DNM3: variants seen among roughly 807,000 people sequenced by gnomAD.
DNM3 encodes dynamin-3.
In DNM3, 47 loss-of-function variants were observed where a neutral mutation model predicts 101.6. The ratio of observed to expected loss-of-function variants is 0.46; its 90% CI spans 0.37 to 0.59. DNM3 has a LOEUF of 0.59. DNM3 is among the 20% of genes least tolerant of loss of function. The pLI, the probability that DNM3 is intolerant of heterozygous loss-of-function variation, is 0.00. For synonymous variants in DNM3, 385 were observed against 387.9 expected, an observed-to-expected ratio of 0.99 and a Z score of 0.09; for missense variants, 849 against 1,085.7, an observed-to-expected ratio of 0.78 and a Z score of 3.06.
chr1:172,344,897 CA>C (rs908360955), intron 17 of DNM3, among the ~76,000 whole-genome samples: 1 of 151,834 alleles, frequency 6.6e-6, no homozygotes, highest in Non-Finnish European at 1.5e-5. Flanking sequence ...CATGTGCTCA[CA>C]AAAAAAATCA....
intron 17 of DNM3, among the ~76,000 whole-genome samples, chr1:172,343,446 C>T (rs2066783315): frequency 6.6e-6 from 1 of 151,994 alleles, no homozygotes; most frequent in Non-Finnish European, 1.5e-5. Context: ...ACACCATATT[C>T]CAGTAAATTG....
intron 17 of DNM3, among the ~76,000 whole-genome samples, chr1:172,340,277 G>A (rs1478506945): frequency 6.6e-6 from 1 of 152,174 alleles, no homozygotes; most frequent in African/African-American, 2.4e-5. Flanking sequence ...TCAGATGTAG[G>A]TCAACATATT....
chr1:172,275,143 T>G (rs2063231482), intron 15 of DNM3, among the ~76,000 whole-genome samples: 1 of 152,068 alleles, frequency 6.6e-6, no homozygotes, highest in African/African-American at 2.4e-5. Flanking sequence ...GTTATGGTAG[T>G]GTGGGCTCAT....
rs1348259969 is a variant in DNM3 at position 172,039,216 on chromosome 1, T to A, written c.992+755T>A. Among the ~76,000 whole-genome samples the A allele has an allele frequency of 3.3e-5, 5 of 152,100 alleles. 1 individual carries two copies. The South Asian group carries it at 8.3e-4, about 25-fold the overall frequency. ...GTCAAGTCCCTCTCAACAGGAAGGC[T>A]CCCCTGCCCAGCACACACTGCAGGA... On this transcript the variant is annotated intron_variant, in intron 7 of 20. Coordinates refer to ENST00000627582, the MANE Select transcript of DNM3 (RefSeq NM_015569.5).
At chr1:172,056,092 G>A (rs2050589718) in intron 10 of DNM3, among the ~76,000 whole-genome samples, 1 of 152,192 alleles carries the variant, frequency 6.6e-6, no homozygotes, top group South Asian at 2.1e-4. Context: ...GACGGCACCT[G>A]GAAAATCGGG....
chr1:172,014,761 A>ATT (rs371990984), intron 4 of DNM3, among the ~76,000 whole-genome samples: 1 of 150,282 alleles, frequency 6.7e-6, no homozygotes, highest in African/African-American at 2.4e-5. Context: ...TCACTTTTTA[A>ATT]TTTTTTTTTC....
chr1:171,949,580 A>T (rs1364835632), intron 2 of DNM3, among the ~76,000 whole-genome samples: 2 of 151,574 alleles, frequency 1.3e-5, no homozygotes, highest in Non-Finnish European at 2.9e-5. Context: ...TGGCTAATGA[A>T]ATTTTTTTTT....
chr1:172,187,660 TG>T (rs1558695095), intron 14 of DNM3, among the ~76,000 whole-genome samples: 1 of 152,004 alleles, frequency 6.6e-6, no homozygotes, highest in Non-Finnish European at 1.5e-5. Flanking sequence ...TGCATGGAGG[TG>T]GGGTTGCGTG....
chr1:172,307,415 C>T (rs2064881348), intron 15 of DNM3, among the ~76,000 whole-genome samples: 4 of 152,184 alleles, frequency 2.6e-5, no homozygotes, highest in Admixed American at 2.6e-4. Flanking sequence ...AATGCTTTTA[C>T]ACGGTTGGTG....
At chr1:172,036,007 A>G (rs1161449280) in intron 6 of DNM3, among the ~76,000 whole-genome samples, 2 of 150,384 alleles carry the variant, frequency 1.3e-5, no homozygotes, top group African/African-American at 4.9e-5. Flanking sequence ...TTTTTATTTT[A>G]TTTTAGTATT....
At chr1:171,930,778 G>A (rs1394064361) in intron 2 of DNM3, among the ~76,000 whole-genome samples, 1 of 152,154 alleles carries the variant, frequency 6.6e-6, no homozygotes, top group Non-Finnish European at 1.5e-5. Context: ...TCAGTTGAGC[G>A]TGCTGTATTT....
chr1:172,257,783 C>G (rs2062466442), intron 15 of DNM3, among the ~76,000 whole-genome samples: 1 of 151,868 alleles, frequency 6.6e-6, no homozygotes, highest in Non-Finnish European at 1.5e-5. Context: ...TCACCATACT[C>G]TAGTATTGAA....
intron 20 of DNM3, among the ~76,000 whole-genome samples, chr1:172,395,419 C>T (rs1034013085): frequency 6.6e-6 from 1 of 152,160 alleles, no homozygotes; most frequent in African/African-American, 2.4e-5. Context: ...GATCCACCCA[C>T]CACAGCCTCC....
chr1:172,098,438 T>A (rs553791596), intron 13 of DNM3, among the ~76,000 whole-genome samples: 2 of 152,346 alleles, frequency 1.3e-5, no homozygotes, highest in African/African-American at 4.8e-5. Context: ...TGTTATCCTG[T>A]TCTTTTTTCA....
intron 20 of DNM3, among the ~76,000 whole-genome samples, chr1:172,406,964 TA>T: frequency 6.6e-6 from 1 of 151,846 alleles, no homozygotes; most frequent in Non-Finnish European, 1.5e-5. Flanking sequence ...ACAAATACAC[TA>T]AAAAAACTTA....
At chr1:172,155,964 G>A (rs2058321708) in intron 14 of DNM3, among the ~76,000 whole-genome samples, 1 of 152,082 alleles carries the variant, frequency 6.6e-6, no homozygotes. Flanking sequence ...AGGCCTTGGT[G>A]TGCGTCCAGC....
chr1:171,881,629 T>C (rs2036275980), intron 1 of DNM3, among the ~76,000 whole-genome samples: 1 of 152,054 alleles, frequency 6.6e-6, no homozygotes, highest in Admixed American at 6.6e-5. Context: ...AGGTCATGGG[T>C]AAAATATAAT....
intron 9 of DNM3, among the ~76,000 whole-genome samples, chr1:172,046,542 AC>A (rs1285264065): frequency 6.6e-6 from 1 of 151,214 alleles, no homozygotes; most frequent in Non-Finnish European, 1.5e-5. Context: ...GTACCCTAAA[AC>A]TTAAAGTATA....
chr1:171,934,591 T>C (rs2041268074), intron 2 of DNM3, among the ~76,000 whole-genome samples: 1 of 152,192 alleles, frequency 6.6e-6, no homozygotes, highest in African/African-American at 2.4e-5. Flanking sequence ...ACTAGCCTTG[T>C]TTTTTACAAA....
Sources: allele counts gnomAD v4.1 joint callset (sites outside exome capture counted in the v4.1 genomes callset), GRCh38; gene constraint gnomAD v4.1.1; transcripts MANE v1.5; gene names NCBI Gene and HGNC (gene_info 2026-07-23, HGNC 2026-07-21).